Variants in MYT1L observed in about 807,000 individuals in gnomAD.
MYT1L encodes myelin transcription factor 1 like, also known as myelin transcription factor 1-like protein.
A neutral mutation model predicts 126.7 loss-of-function variants in MYT1L; 12 were observed. The ratio of observed to expected loss-of-function variants is 0.09; its 90% CI spans 0.06 to 0.15. MYT1L has a LOEUF of 0.15. Among genes scored for constraint, MYT1L ranks in the 10% least tolerant of loss-of-function variants. The pLI is 1.00. For synonymous variants in MYT1L, 541 were observed against 604.2 expected (o/e 0.90, Z 1.53); for missense variants, 979 against 1,585.2 (o/e 0.62, Z 6.49).
intron 2 of MYT1L, among the ~76,000 whole-genome samples, chr2:2,246,542 T>C (rs1355942220): frequency 1.3e-5 from 2 of 152,160 alleles, no homozygotes; most frequent in African/African-American, 4.8e-5. Flanking sequence ...TGAGGGGGCC[T>C]TTTCTTGTCC....
chr2:1,895,490 G>A (rs2049454690), intron 14 of MYT1L, among the ~76,000 whole-genome samples: 1 of 152,184 alleles, frequency 6.6e-6, no homozygotes, highest in African/African-American at 2.4e-5. Flanking sequence ...AAAATAGCTT[G>A]GTACTGGTGT....
chr2:2,129,974 A>G (rs1038801343), intron 3 of MYT1L, among the ~76,000 whole-genome samples: 9 of 152,096 alleles, frequency 5.9e-5, no homozygotes, highest in African/African-American at 2.2e-4. Flanking sequence ...CAGGCCACAG[A>G]ACTGACCAGA....
rs2051726109 is a variant in MYT1L, at chr2:1,910,159, C to A, written c.1817+81G>T. 4 of 1,286,684 alleles carry A rather than the reference C, an allele frequency of 3.1e-6. No individual in the cohort carries two copies. The highest frequency in any genetic ancestry group is 2.2e-6 in the Non-Finnish European group (2 of 907,288). 79.7% of individuals were successfully genotyped at this position (1,286,684 alleles called of 1,614,324 possible). A position where few individuals can be genotyped will look rare whatever the true frequency, so the allele number is the denominator to read the frequency against. On this transcript the variant is annotated intron_variant, in intron 13 of 24. Transcript: ENST00000647738. The surrounding 1 kb of genome is among the most constrained non-coding windows in gnomAD (Gnocchi z 4.8). ...TGCCCCTGCTGCTGTAGGGACATGC[C>A]CTGAGCGGGTGTCCCCAGCGCTCCG...
At chr2:2,270,419 C>A (rs959837215) in intron 2 of MYT1L, among the ~76,000 whole-genome samples, 2 of 152,118 alleles carry the variant, frequency 1.3e-5, no homozygotes, top group African/African-American at 4.8e-5. Flanking sequence ...AATAATTTAT[C>A]CCCTTTGCAA....
intron 3 of MYT1L, among the ~76,000 whole-genome samples, chr2:2,138,913 G>A (rs917866168): frequency 6.6e-6 from 1 of 151,442 alleles, no homozygotes; most frequent in African/African-American, 2.4e-5. Flanking sequence ...CTGGGCCGCA[G>A]TAAAGGCACA....
chr2:2,068,226 G>A (rs1413837395), intron 3 of MYT1L, among the ~76,000 whole-genome samples: 1 of 152,132 alleles, frequency 6.6e-6, no homozygotes, highest in Non-Finnish European at 1.5e-5. Flanking sequence ...GACATGAGGA[G>A]CTGATACCCT....
At chr2:1,813,061 G>C (rs921170689) in intron 21 of MYT1L, among the ~76,000 whole-genome samples, 60 of 152,196 alleles carry the variant, frequency 3.9e-4, no homozygotes, top group African/African-American at 1.4e-3. Flanking sequence ...CAAATGCAGG[G>C]AGCAGCTCCC....
intron 3 of MYT1L, among the ~76,000 whole-genome samples, chr2:2,075,022 C>T (rs888653957): frequency 2.6e-5 from 4 of 152,134 alleles, no homozygotes; most frequent in Non-Finnish European, 2.9e-5. Context: ...AGTGAAGAAA[C>T]ATGTTCACAA....
chr2:1,826,560 G>A (rs1035503027), intron 21 of MYT1L, among the ~76,000 whole-genome samples: 2 of 152,086 alleles, frequency 1.3e-5, no homozygotes, highest in African/African-American at 4.8e-5. Context: ...GACAGATGTT[G>A]AATCTGACTC....
At chr2:2,212,760 A>G (rs2093566202) in intron 2 of MYT1L, among the ~76,000 whole-genome samples, 1 of 152,206 alleles carries the variant, frequency 6.6e-6, no homozygotes, top group African/African-American at 2.4e-5. Context: ...TGCACAGAAC[A>G]ACACATTTTA....
In MYT1L at chr2:2,325,077, C is replaced by T. The variant is rs1191412404; in HGVS notation, c.-521+5890G>A. ...AATACCGGAGTCAGGCTGTTAGCAGCTACCAGCTAGGCAATATATCTAAAA... is the reference window on the plus strand; with the variant it reads ...AATACCGGAGTCAGGCTGTTAGCAGTTACCAGCTAGGCAATATATCTAAAA... On this transcript the variant is annotated intron_variant, in intron 1 of 24. Coordinates refer to ENST00000647738, the MANE Select transcript of MYT1L (RefSeq NM_001303052.2). The T allele has an allele frequency of 3.3e-5, 5 of 152,632 alleles. No homozygotes were observed. In the East Asian group the frequency reaches 5.8e-4, roughly 18 times the overall value. The allele number at this position is 152,632 out of a possible 1,614,324, so 9.5% of individuals were successfully genotyped here. A position where few individuals can be genotyped will look rare whatever the true frequency, so the allele number is the denominator to read the frequency against.
intron 2 of MYT1L, among the ~76,000 whole-genome samples, chr2:2,180,756 ATGTACC>A (rs973864911): frequency 1.4e-4 from 19 of 137,104 alleles, no homozygotes; most frequent in Admixed American, 2.2e-4. Flanking sequence ...GTGCTTGTGC[ATGTACC>A]TGTACCTGTA....
chr2:1,919,222 A>G (rs1280995582), intron 10 of MYT1L, among the ~76,000 whole-genome samples: 3 of 152,240 alleles, frequency 2.0e-5, no homozygotes, highest in African/African-American at 7.2e-5. Context: ...GGGTTTTGGA[A>G]GACGACAAGG....
chr2:2,055,912 T>C (rs1306868102), intron 3 of MYT1L, among the ~76,000 whole-genome samples: 2 of 152,232 alleles, frequency 1.3e-5, no homozygotes, highest in African/African-American at 2.4e-5. Context: ...AAGTGTTTTT[T>C]CTATTCTTCA....
At chr2:2,216,003 T>G (rs188250420) in intron 2 of MYT1L, among the ~76,000 whole-genome samples, 79 of 152,082 alleles carry the variant, frequency 5.2e-4, no homozygotes, top group Admixed American at 3.5e-3. Context: ...TCCCCCAACC[T>G]TCTCTCCTCT....
intron 4 of MYT1L, among the ~76,000 whole-genome samples, chr2:2,040,834 T>A (rs1212854385): frequency 6.6e-6 from 1 of 152,174 alleles, no homozygotes; most frequent in African/African-American, 2.4e-5. Flanking sequence ...TTATATCAAT[T>A]TGAGGTTAAA....
At chr2:2,123,249 G>A (rs527973963) in intron 3 of MYT1L, among the ~76,000 whole-genome samples, 28 of 152,308 alleles carry the variant, frequency 1.8e-4, no homozygotes, top group African/African-American at 6.7e-4. Context: ...GAGCCTGTGG[G>A]AGGCGGAATA....
Position 1,922,243 on chromosome 2 carries a change from C to T in MYT1L, c.1483+43G>A. 1 of 1,594,184 alleles carries T rather than the reference C, an allele frequency of 6.3e-7. No homozygotes were observed. The highest frequency in any genetic ancestry group is 1.1e-5 in the South Asian group (1 of 87,046). On this transcript the variant is annotated intron_variant, in intron 10 of 24. Coordinates refer to ENST00000647738, the MANE Select transcript of MYT1L (RefSeq NM_001303052.2). The surrounding 1 kb of genome is among the most constrained non-coding windows in gnomAD (Gnocchi z 7.4). ...CTACCACCAACATCCTTTACCCTAG[C>T]TCATGTTTTCATGAGGCAACTTACG... is the stretch of plus-strand genomic sequence containing the variant.
chr2:1,905,124 A>G (rs1053977217), intron 13 of MYT1L, among the ~76,000 whole-genome samples: 15 of 151,974 alleles, frequency 9.9e-5, no homozygotes, highest in Non-Finnish European at 2.2e-4. Flanking sequence ...CTTGGCATCA[A>G]GTGATCCTTT....
Sources: allele counts gnomAD v4.1 joint callset (sites outside exome capture counted in the v4.1 genomes callset), GRCh38; gene constraint gnomAD v4.1.1; non-coding constraint Gnocchi (gnomAD v3.1); transcripts MANE v1.5; gene names NCBI Gene and HGNC (gene_info 2026-07-23, HGNC 2026-07-21).